The following SYNPR variants were observed in gnomAD, a reference collection of about 807,000 sequenced individuals.
SYNPR encodes synaptoporin.
SYNPR carries 23 observed loss-of-function variants against 32.9 expected under a neutral mutation model. That is an observed-to-expected ratio of 0.70 (90% confidence interval 0.50 to 0.99). The LOEUF (loss-of-function observed/expected upper bound fraction) is 0.99, where lower values mean the gene tolerates loss of function less well. SYNPR is among the 50% of genes least tolerant of loss of function. The probability of loss-of-function intolerance (pLI) is 0.00; values close to 1 mark genes in which losing one functional copy is unlikely to be tolerated. For missense variants in SYNPR, 318 were observed against 349.3 expected, an observed-to-expected ratio of 0.91 and a Z score of 0.71; for synonymous variants, 146 against 135.9, an observed-to-expected ratio of 1.07 and a Z score of -0.52.
chr3:63,596,785 C>A (rs1699967338), intron 4 of SYNPR, among the ~76,000 whole-genome samples: 1 of 152,076 alleles, frequency 6.6e-6, no homozygotes, highest in African/African-American at 2.4e-5. Flanking sequence ...ATTAATGAAC[C>A]CAAACAGGAA....
intron 2 of SYNPR, among the ~76,000 whole-genome samples, chr3:63,318,044 C>T (rs2087061625): frequency 6.6e-6 from 1 of 151,972 alleles, no homozygotes; most frequent in African/African-American, 2.4e-5. Flanking sequence ...AAATTATTGA[C>T]TGAAAATTGT....
upstream of SYNPR, among the ~76,000 whole-genome samples, chr3:63,273,422 T>C (rs1431647137): frequency 1.3e-5 from 2 of 152,168 alleles, no homozygotes; most frequent in Non-Finnish European, 2.9e-5. Flanking sequence ...AATTTATGCC[T>C]ATAGAGGCAC....
At chr3:63,598,528 G>A (rs1699993925) in intron 4 of SYNPR, among the ~76,000 whole-genome samples, 1 of 152,130 alleles carries the variant, frequency 6.6e-6, no homozygotes, top group Admixed American at 6.6e-5. Context: ...CAGGTTTCCT[G>A]TCAAAGTTCT....
chr3:63,368,612 T>TAGG (rs933002712), intron 2 of SYNPR, among the ~76,000 whole-genome samples: 47 of 151,934 alleles, frequency 3.1e-4, no homozygotes, highest in African/African-American at 1.1e-3. Flanking sequence ...GAAGCAAAAT[T>TAGG]AGGAGAAGGA....
intron 4 of SYNPR, among the ~76,000 whole-genome samples, chr3:63,564,107 A>G (rs761303901): frequency 3.3e-5 from 5 of 151,958 alleles, no homozygotes; most frequent in Admixed American, 2.0e-4. Context: ...TGAAGCCCCA[A>G]AAGTGTGTAT....
intron 2 of SYNPR, among the ~76,000 whole-genome samples, chr3:63,284,705 A>G (rs919957935): frequency 3.3e-5 from 5 of 152,186 alleles, no homozygotes; most frequent in African/African-American, 1.2e-4. Flanking sequence ...CTTAATATTA[A>G]TAACATTTAT....
chr3:63,609,079 A>C (rs1308054166), intron 4 of SYNPR, 46 bp from the exon 5 acceptor site: 1 of 1,537,972 alleles, frequency 6.5e-7, no homozygotes, highest in Non-Finnish European at 8.7e-7. Context: ...TGTTTCTAGA[A>C]CTCACATTTT....
At chr3:63,560,010 A>T (rs1192172015) in intron 4 of SYNPR, among the ~76,000 whole-genome samples, 1 of 152,244 alleles carries the variant, frequency 6.6e-6, no homozygotes, top group African/African-American at 2.4e-5. Flanking sequence ...CTACTCATAT[A>T]AAATGATCTT....
chr3:63,467,233 T>C lies in SYNPR; in HGVS notation c.85-13599T>C, dbSNP rs549275272. 1.7e-4 allele frequency among the ~76,000 whole-genome samples: 26 copies of C among 152,296 alleles called. No homozygotes were observed. In the South Asian group the frequency reaches 5.2e-3, roughly 30 times the overall value. On this transcript the variant is annotated intron_variant, in intron 2 of 5. Coordinates refer to ENST00000478300, the MANE Select transcript of SYNPR (RefSeq NM_001130003.2). ...TGTAGAGATGGGGGTCTCACTATGT[T>C]GCTCAGGCTGAGCTGAAGACTTTTA...
intron 4 of SYNPR, among the ~76,000 whole-genome samples, chr3:63,562,822 T>C (rs1204449653): frequency 2.6e-5 from 4 of 152,148 alleles, no homozygotes; most frequent in Non-Finnish European, 5.9e-5. Flanking sequence ...AGTGGCTAAT[T>C]TATGGGGTGC....
chr3:63,426,520 G>A (rs1000588567), intron 2 of SYNPR, among the ~76,000 whole-genome samples: 3 of 152,296 alleles, frequency 2.0e-5, no homozygotes, highest in Middle Eastern at 3.4e-3. Flanking sequence ...AATGTAGGGG[G>A]AGGTATGCAG....
intron 2 of SYNPR, among the ~76,000 whole-genome samples, chr3:63,324,716 C>A (rs940317067): frequency 1.3e-5 from 2 of 152,090 alleles, no homozygotes; most frequent in African/African-American, 4.8e-5. Flanking sequence ...GAAAGGGAAG[C>A]TGCCTGCAGT....
intron 1 of SYNPR, among the ~76,000 whole-genome samples, chr3:63,231,107 C>T (rs975749997): frequency 6.6e-6 from 1 of 152,208 alleles, no homozygotes; most frequent in Middle Eastern, 3.4e-3. Context: ...AAGTGCCCAT[C>T]GACCAACAAG....
intron 3 of SYNPR, among the ~76,000 whole-genome samples, chr3:63,494,422 T>TATATATACACACAC (rs1185769463): frequency 2.0e-4 from 8 of 40,276 alleles, no homozygotes; most frequent in South Asian, 1.8e-3. Context: ...TATATACGTA[T>TATATATACACACAC]ATATATATAT....
At chr3:63,304,695 A>G (rs766238642) in intron 2 of SYNPR, among the ~76,000 whole-genome samples, 85 of 152,090 alleles carry the variant, frequency 5.6e-4, no homozygotes, top group Non-Finnish European at 8.5e-4. Flanking sequence ...TTTTAAGTAA[A>G]AACATCAGTC....
Position 63,289,932 on chromosome 3 carries a change from C to T in SYNPR, c.84+11190C>T, listed in dbSNP as rs555618909. ...GATCACAAGGTCAAGAGATCGAGAC[C>T]ATCCTGGCTAACATGGTGAAACCCC... On this transcript the variant is annotated intron_variant, in intron 2 of 5. Transcript: ENST00000478300. Among the ~76,000 whole-genome samples, 39 of 151,920 alleles carry T rather than the reference C, an allele frequency of 2.6e-4. 1 individual carries two copies. The South Asian group carries it at 7.1e-3, about 28-fold the overall frequency.
intron 2 of SYNPR, among the ~76,000 whole-genome samples, chr3:63,410,109 G>A (rs2088442313): frequency 6.6e-6 from 1 of 152,160 alleles, no homozygotes; most frequent in African/African-American, 2.4e-5. Flanking sequence ...CTTGCTCATT[G>A]TGATTAATAT....
At chr3:63,423,846 T>C (rs1008601953) in intron 2 of SYNPR, 1 of 152,252 alleles carries the variant, frequency 6.6e-6, no homozygotes, top group African/African-American at 2.4e-5. Flanking sequence ...ACATAAAGTT[T>C]CACTTTATTT....
chr3:63,388,406 A>G lies in SYNPR; in HGVS notation c.85-92426A>G, dbSNP rs28444607. 7.4e-5 allele frequency among the ~76,000 whole-genome samples: 5 copies of G among 67,598 alleles called. No individual in the cohort carries two copies. In the Admixed American group the frequency reaches 9.0e-4, roughly 12 times the overall value. 44.3% of individuals were successfully genotyped at this position (67,598 alleles called of 152,430 possible). Reference sequence around the variant, plus strand: ...TTTTTTTTTTTTTTTTTTTTTTTTTAAGACAGAGTTTCACTATGTCACCCA... The same window carrying G: ...TTTTTTTTTTTTTTTTTTTTTTTTTGAGACAGAGTTTCACTATGTCACCCA... On this transcript the variant is annotated intron_variant, in intron 2 of 5. Transcript: ENST00000478300.
Sources: allele counts gnomAD v4.1 joint callset (sites outside exome capture counted in the v4.1 genomes callset), GRCh38; gene constraint gnomAD v4.1.1; transcripts MANE v1.5; gene names NCBI Gene and HGNC (gene_info 2026-07-23, HGNC 2026-07-21).